CADPS: variants seen among roughly 807,000 people sequenced by gnomAD.
CADPS encodes calcium-dependent secretion activator 1.
A neutral mutation model predicts 167.3 loss-of-function variants in CADPS; 57 were observed. That is an observed-to-expected ratio of 0.34 (90% confidence interval 0.28 to 0.42). The LOEUF (loss-of-function observed/expected upper bound fraction) is 0.42. CADPS is among the 20% of genes least tolerant of loss of function. The pLI, the probability that CADPS is intolerant of heterozygous loss-of-function variation, is 1.00. For missense variants in CADPS, 1,414 were observed against 1,738.1 expected (o/e 0.81, Z 3.32); for synonymous variants, 676 against 635.3 (o/e 1.06, Z -0.96).
chr3:62,553,995 G>A (rs979934833), intron 10 of CADPS, among the ~76,000 whole-genome samples: 1 of 152,196 alleles, frequency 6.6e-6, no homozygotes. Flanking sequence ...ATGCTGGCCA[G>A]CTCTCTAGGG....
intron 3 of CADPS, among the ~76,000 whole-genome samples, chr3:62,717,769 A>G (rs2084964707): frequency 6.6e-6 from 1 of 152,160 alleles, no homozygotes; most frequent in South Asian, 2.1e-4. Context: ...AAATCCTATT[A>G]CCATTCTGCC....
At chr3:62,628,522 G>C (rs1983251) in intron 6 of CADPS, among the ~76,000 whole-genome samples, 1 of 151,994 alleles carries the variant, frequency 6.6e-6, no homozygotes, top group Non-Finnish European at 1.5e-5. Flanking sequence ...TGGTTGCTCA[G>C]CCTCCAAACC....
intron 6 of CADPS, among the ~76,000 whole-genome samples, chr3:62,643,689 G>A (rs2059725610): frequency 6.6e-6 from 1 of 152,148 alleles, no homozygotes; most frequent in African/African-American, 2.4e-5. Flanking sequence ...AATTATAATA[G>A]CTCATATGAA....
chr3:62,593,812 T>C (rs975597062), intron 6 of CADPS, among the ~76,000 whole-genome samples: 5 of 152,244 alleles, frequency 3.3e-5, no homozygotes, highest in Non-Finnish European at 4.4e-5. Context: ...AGCATACTAT[T>C]TAATTTTGCA....
chr3:62,768,865 C>T (rs1249987419), intron 1 of CADPS, among the ~76,000 whole-genome samples: 1 of 152,132 alleles, frequency 6.6e-6, no homozygotes, highest in Non-Finnish European at 1.5e-5. Context: ...CACCGCAAAG[C>T]CACACAAAGC....
Position 62,749,361 on chromosome 3 carries a change from T to A in CADPS, c.888+4080A>T, listed in dbSNP as rs574401116. ...AATGGCAGTTACTGGCAGAACCTCA[T>A]AAAGAGAGAGCATGGGAACTTTCAC... is the stretch of plus-strand genomic sequence containing the variant. On this transcript the variant is annotated intron_variant, in intron 3 of 29. Transcript: ENST00000383710. 2.6e-5 allele frequency among the ~76,000 whole-genome samples: 4 copies of A among 152,264 alleles called. No individual in the cohort carries two copies. In the South Asian group the frequency reaches 8.3e-4, roughly 32 times the overall value.
chr3:62,868,727 C>T lies in CADPS; in HGVS notation c.441+5862G>A, dbSNP rs1395301698. 2.0e-5 allele frequency among the ~76,000 whole-genome samples: 3 copies of T among 152,136 alleles called. No individual in the cohort carries two copies. The East Asian group carries it at 5.8e-4, about 29-fold the overall frequency. On this transcript the variant is annotated intron_variant, in intron 1 of 29. Transcript: ENST00000383710. ...GAAATCTAACTTCATCTCTAACCAT[C>T]TTGGATTCTTTAAGACACTGTCTTA... is the stretch of plus-strand genomic sequence containing the variant.
At chr3:62,700,618 C>A (rs557180573) in intron 3 of CADPS, among the ~76,000 whole-genome samples, 1 of 152,178 alleles carries the variant, frequency 6.6e-6, no homozygotes, top group South Asian at 2.1e-4. Flanking sequence ...AGAGCTGACA[C>A]CCTAACCTCT....
At chr3:62,865,203 T>C (rs1430273747) in intron 1 of CADPS, among the ~76,000 whole-genome samples, 1 of 152,160 alleles carries the variant, frequency 6.6e-6, no homozygotes, top group Non-Finnish European at 1.5e-5. Context: ...TTTTTCTACA[T>C]GGGCAACAGA....
intron 3 of CADPS, among the ~76,000 whole-genome samples, chr3:62,719,728 C>T (rs2075368201): frequency 6.6e-6 from 1 of 152,222 alleles, no homozygotes; most frequent in African/African-American, 2.4e-5. Context: ...GCTCATCCTA[C>T]CATTACACCA....
rs2083260323 is a variant in CADPS, at chr3:62,874,383, A to C, written c.441+206T>G. ...GCGCTCCGCGGCCCTCGCCGGTCCC[A>C]GTCAGCTCCAGGAGCGCTCCAGGCT... On this transcript the variant is annotated intron_variant, in intron 1 of 29. Coordinates refer to ENST00000383710, the MANE Select transcript of CADPS (RefSeq NM_003716.4). The surrounding 1 kb of genome is among the most constrained non-coding windows in gnomAD (Gnocchi z 7.1). 6.6e-6 allele frequency among the ~76,000 whole-genome samples: 1 copy of C among 152,022 alleles called. No individual in the cohort carries two copies. The highest frequency in any genetic ancestry group is 6.5e-5 in the Admixed American group (1 of 15,284).
chr3:62,493,785 T>C, intron 18 of CADPS, 120 bp from the exon 19 acceptor site: 1 of 823,420 alleles, frequency 1.2e-6, no homozygotes, highest in South Asian at 1.6e-5. Flanking sequence ...CTGATTCAGA[T>C]TAATGGGAGA....
intron 28 of CADPS, among the ~76,000 whole-genome samples, chr3:62,432,123 G>C (rs2054108072): frequency 6.6e-6 from 1 of 152,138 alleles, no homozygotes; most frequent in Non-Finnish European, 1.5e-5. Context: ...TTGTTGAGGG[G>C]GTAGAGCTAG....
chr3:62,794,832 G>A (rs2093278513), intron 1 of CADPS, among the ~76,000 whole-genome samples: 1 of 148,994 alleles, frequency 6.7e-6, no homozygotes, highest in Non-Finnish European at 1.5e-5. Flanking sequence ...TGAATATTCT[G>A]GTCTCAGTAG....
chr3:62,831,092 T>G (rs2074992337), intron 1 of CADPS, among the ~76,000 whole-genome samples: 1 of 151,780 alleles, frequency 6.6e-6, no homozygotes, highest in Admixed American at 6.6e-5. Flanking sequence ...AGGGGAGGAG[T>G]GCATGGACCT....
rs181617098 is a variant in CADPS at position 62,480,514 on chromosome 3, A to T, written c.3173+1209T>A. Among the ~76,000 whole-genome samples the T allele has an allele frequency of 4.6e-5, 7 of 152,300 alleles. No individual in the cohort carries two copies. The East Asian group carries it at 1.4e-3, about 29-fold the overall frequency. Reference sequence around the variant, plus strand: ...TTAGTGTGAACTTGTGAGCAATTGTAGGTTGTAGAAATATCAGGCAGCTTT... The same window carrying T: ...TTAGTGTGAACTTGTGAGCAATTGTTGGTTGTAGAAATATCAGGCAGCTTT... On this transcript the variant is annotated intron_variant, in intron 22 of 29. Transcript: ENST00000383710.
rs1054050767 is a variant in CADPS at position 62,405,148 on chromosome 3, G to C, written c.3778-1963C>G. 4.6e-3 allele frequency among the ~76,000 whole-genome samples: 685 copies of C among 148,790 alleles called. 7 individuals are homozygous for C. Among genetic ancestry groups the C allele is most frequent in the Non-Finnish European group, 7.5e-3 (506 of 67,322 alleles). On this transcript the variant is annotated intron_variant, in intron 28 of 29. Coordinates refer to ENST00000383710, the MANE Select transcript of CADPS (RefSeq NM_003716.4). ...CTGACATGTAATCTGGGGGGGGGGGGGGCTCAACAGATCTATTTTGAGAAC... is the reference window on the plus strand; with the variant it reads ...CTGACATGTAATCTGGGGGGGGGGGCGGCTCAACAGATCTATTTTGAGAAC...
In CADPS at chr3:62,465,157, T is replaced by G. The variant is rs1030968571; in HGVS notation, c.3636+210A>C. ...TGTGTTCATAAAAAATACACACATA[T>G]TGTACCTTTACAAATGAAATAGAAA... On this transcript the variant is annotated intron_variant, in intron 26 of 29. Transcript: ENST00000383710. This position sits in a 1 kb window ranked among gnomAD's most constrained non-coding sequence, Gnocchi z 4.1. Among the ~76,000 whole-genome samples, 1 of 152,198 alleles carries G rather than the reference T, an allele frequency of 6.6e-6. No homozygotes were observed. The highest frequency in any genetic ancestry group is 1.5e-5 in the Non-Finnish European group (1 of 68,030).
chr3:62,445,727 C>CAAAAAGAAAAAAAAAAAAAAAAAAAAAA (rs2057111141), intron 27 of CADPS, 38 bp downstream of exon 27: 1 of 879,584 alleles, frequency 1.1e-6, no homozygotes, highest in Non-Finnish European at 1.6e-6. Flanking sequence ...AAAAAAAAAA[C>CAAAAAGAAAAAAAAAAAAAAAAAAAAAA]AAAAAAACCC....
Sources: gnomAD v4.1 joint callset for allele counts (sites outside exome capture counted in the v4.1 genomes callset) on GRCh38, gnomAD v4.1.1 for gene constraint, Gnocchi (gnomAD v3.1) non-coding constraint, MANE v1.5 for transcripts, NCBI Gene and HGNC (gene_info 2026-07-23, HGNC 2026-07-21) for gene names.